The following DACH2 variants were observed in gnomAD, a reference collection of about 807,000 sequenced individuals.
DACH2 encodes the protein dachshund family transcription factor 2.
Under a neutral mutation model 35.8 loss-of-function variants are expected in DACH2, and 17 were observed. The observed-to-expected ratio is 0.48, with a 90% CI of 0.33 to 0.71. The LOEUF (loss-of-function observed/expected upper bound fraction) is 0.71, where lower values mean the gene tolerates loss of function less well. Ranked by LOEUF, DACH2 falls within the 30% of genes least tolerant of loss-of-function variation. The pLI, the probability that DACH2 is intolerant of heterozygous loss-of-function variation, is 0.02. For missense variants in DACH2, 469 were observed against 472.7 expected (o/e 0.99, Z 0.07); for synonymous variants, 195 against 177.3 (o/e 1.10, Z -0.79).
chrX:86,578,019 G>T (rs761758740), intron 3 of DACH2, among the ~76,000 whole-genome samples: 2 of 111,671 alleles, frequency 1.8e-5, no homozygotes, highest in Non-Finnish European at 3.8e-5. Context: ...TCTATGAGTG[G>T]CACTAAGAAA....
chrX:86,610,371 TTC>T (rs751816124), intron 3 of DACH2, among the ~76,000 whole-genome samples: 3 of 54,178 alleles, frequency 5.5e-5, no homozygotes, highest in South Asian at 2.6e-3. Flanking sequence ...TCCTCTTTCT[TTC>T]TTTCTTTCTT....
intron 11 of DACH2, among the ~76,000 whole-genome samples, chrX:86,821,683 G>A (rs1444589156): frequency 3.6e-5 from 4 of 110,750 alleles, no homozygotes; most frequent in South Asian, 3.8e-4. Context: ...TTACTTAATC[G>A]TTCAGGGCCT....
intron 3 of DACH2, among the ~76,000 whole-genome samples, chrX:86,634,671 C>CAAAT (rs1339615918): frequency 9.0e-6 from 1 of 111,008 alleles, no homozygotes. Context: ...AGCTGAGAAC[C>CAAAT]AAATTAATCC....
At chrX:86,786,457 A>G (rs2042138822) in intron 7 of DACH2, among the ~76,000 whole-genome samples, 1 of 111,857 alleles carries the variant, frequency 8.9e-6, no homozygotes, top group Non-Finnish European at 1.9e-5. Flanking sequence ...CATCACAATA[A>G]GGAGACAGCC....
intron 3 of DACH2, among the ~76,000 whole-genome samples, chrX:86,596,077 C>A (rs1048474306): frequency 8.9e-6 from 1 of 111,936 alleles, no homozygotes; most frequent in African/African-American, 3.2e-5. Flanking sequence ...ATCCATGTTG[C>A]AGCAAGTATT....
intron 7 of DACH2, among the ~76,000 whole-genome samples, chrX:86,804,347 A>C (rs1477717340): frequency 9.0e-6 from 1 of 111,625 alleles, no homozygotes; most frequent in African/African-American, 3.3e-5. Flanking sequence ...GAACCGCACC[A>C]GGAGATGGTG....
At chrX:86,555,215 A>G (rs1359309868) in intron 3 of DACH2, among the ~76,000 whole-genome samples, 2 of 111,928 alleles carry the variant, frequency 1.8e-5, no homozygotes. Flanking sequence ...AGCTATCCAG[A>G]ATCACATGCA....
intron 7 of DACH2, among the ~76,000 whole-genome samples, chrX:86,753,242 G>A (rs1301537158): frequency 9.0e-6 from 1 of 111,263 alleles, no homozygotes; most frequent in Non-Finnish European, 1.9e-5. Context: ...AATAAATCTC[G>A]ACATCAGGTG....
intron 11 of DACH2, 97 bp from the exon 12 acceptor site, chrX:86,832,009 G>C: frequency 1.8e-6 from 1 of 544,513 alleles, no homozygotes. Flanking sequence ...TGTTACATCA[G>C]ATCATTTTAG....
intron 2 of DACH2, among the ~76,000 whole-genome samples, chrX:86,403,395 A>C (rs2036469037): frequency 8.9e-6 from 1 of 112,367 alleles, no homozygotes; most frequent in Admixed American, 9.4e-5. Flanking sequence ...CTTCTCAAGA[A>C]GAGTCATAAA....
intron 2 of DACH2, among the ~76,000 whole-genome samples, chrX:86,399,982 A>T (rs7066864): frequency 0.087 from 9,705 of 111,535 alleles, 1,075 homozygotes; most frequent in African/African-American, 0.3. Flanking sequence ...GTGTTTTCCA[A>T]CTTGGTTCCA....
At chrX:86,710,944 C>A (rs1038363833) in intron 5 of DACH2, among the ~76,000 whole-genome samples, 3 of 111,755 alleles carry the variant, frequency 2.7e-5, no homozygotes, top group Non-Finnish European at 3.8e-5. Flanking sequence ...CAGAAGTCAA[C>A]GTGACTTAGA....
intron 5 of DACH2, among the ~76,000 whole-genome samples, chrX:86,708,285 G>T (rs958774541): frequency 9.1e-6 from 1 of 110,365 alleles, no homozygotes; most frequent in Admixed American, 9.7e-5. Flanking sequence ...GGAGGCCTTA[G>T]TTGGTAAAAA....
intron 3 of DACH2, among the ~76,000 whole-genome samples, chrX:86,590,221 G>A (rs2039625719): frequency 8.9e-6 from 1 of 111,827 alleles, no homozygotes; most frequent in Admixed American, 9.5e-5. Context: ...GCGCTGCTAA[G>A]GTAAAGGGCC....
intron 2 of DACH2, among the ~76,000 whole-genome samples, chrX:86,493,286 C>G (rs965851480): frequency 9.0e-6 from 1 of 111,385 alleles, no homozygotes; most frequent in Non-Finnish European, 1.9e-5. Flanking sequence ...TACTTTTTCA[C>G]TATACCACCA....
intron 7 of DACH2, among the ~76,000 whole-genome samples, chrX:86,776,670 G>A (rs1453508441): frequency 9.0e-6 from 1 of 110,958 alleles, no homozygotes; most frequent in Non-Finnish European, 1.9e-5. Context: ...CATGTGCCAT[G>A]TTGGTGTGCT....
intron 1 of DACH2, among the ~76,000 whole-genome samples, chrX:86,181,192 T>TATCTATCTATA (rs1299590921): frequency 1.7e-5 from 1 of 58,065 alleles, no homozygotes; most frequent in Non-Finnish European, 3.3e-5. Flanking sequence ...ATCTATCTAT[T>TATCTATCTATA]TTTCAAATTA....
At position 86,326,153 on chromosome X, in the gene DACH2, G is replaced by T. The variant is rs750339173; in HGVS notation, c.489-50671G>T. 4.5e-5 allele frequency among the ~76,000 whole-genome samples: 5 copies of T among 111,382 alleles called. No homozygotes were observed. The South Asian group carries it at 1.1e-3, about 25-fold the overall frequency. ...TGCAAATGGCACATCCTAGAATTAT[G>T]CAATCTGTAGCCCTTGTTTGCATTT... On this transcript the variant is annotated intron_variant, in intron 1 of 11. Transcript: ENST00000373125.
At chrX:86,427,477 G>T (rs2036913263) in intron 2 of DACH2, among the ~76,000 whole-genome samples, 1 of 110,865 alleles carries the variant, frequency 9.0e-6, no homozygotes, top group African/African-American at 3.3e-5. Flanking sequence ...GTGGAAAAAA[G>T]AAGTCCATTC....
Sources: allele counts gnomAD v4.1 joint callset (sites outside exome capture counted in the v4.1 genomes callset), GRCh38; gene constraint gnomAD v4.1.1; transcripts MANE v1.5; gene names NCBI Gene and HGNC (gene_info 2026-07-23, HGNC 2026-07-21).